TTC28: variants seen among roughly 807,000 people sequenced by gnomAD.
TTC28 encodes the protein tetratricopeptide repeat domain 28.
In TTC28, 61 loss-of-function variants were observed where a neutral mutation model predicts 198.0. The ratio of observed to expected loss-of-function variants is 0.31; its 90% confidence interval spans 0.25 to 0.38. The LOEUF (loss-of-function observed/expected upper bound fraction) is 0.38. Ranked by LOEUF, TTC28 falls within the 10% of genes least tolerant of loss-of-function variation. The probability of loss-of-function intolerance (pLI) is 1.00; values close to 1 mark genes in which losing one functional copy is unlikely to be tolerated. For synonymous variants in TTC28, 1,171 were observed against 1,297.8 expected (o/e 0.90, Z 2.10); for missense variants, 2,678 against 3,164.0 (o/e 0.85, Z 3.69).
intron 6 of TTC28, among the ~76,000 whole-genome samples, chr22:28,141,787 C>T (rs2146990271): frequency 6.6e-6 from 1 of 152,182 alleles, no homozygotes; most frequent in South Asian, 2.1e-4. Context: ...ATATAAAGGA[C>T]CATTTAATAC....
chr22:27,998,342 G>T, intron 16 of TTC28, 198 bp downstream of exon 16: 1 of 885,648 alleles, frequency 1.1e-6, no homozygotes, highest in Non-Finnish European at 1.7e-6. Flanking sequence ...TTGCTCCCTG[G>T]TCCAAAGATG....
At chr22:28,213,465 A>G (rs983794237) in intron 5 of TTC28, among the ~76,000 whole-genome samples, 2 of 42,480 alleles carry the variant, frequency 4.7e-5, no homozygotes, top group African/African-American at 2.0e-4. Flanking sequence ...AAAAATCACA[A>G]GCCTTCCTAT....
chr22:28,622,035 A>T (rs529837394), intron 2 of TTC28, among the ~76,000 whole-genome samples: 168 of 152,292 alleles, frequency 1.1e-3, no homozygotes, highest in African/African-American at 3.8e-3. Flanking sequence ...ATAATATTTT[A>T]AAAAGCTACC....
intron 12 of TTC28, among the ~76,000 whole-genome samples, chr22:28,080,222 T>C (rs1408542602): frequency 6.6e-6 from 1 of 152,216 alleles, no homozygotes; most frequent in Non-Finnish European, 1.5e-5. Flanking sequence ...AATGGGATTG[T>C]TGCATTGTAC....
At chr22:28,079,761 C>T (rs1201511631) in intron 12 of TTC28, among the ~76,000 whole-genome samples, 1 of 152,190 alleles carries the variant, frequency 6.6e-6, no homozygotes, top group Non-Finnish European at 1.5e-5. Context: ...CAGAGTCTCG[C>T]TCTGTCACCT....
chr22:28,629,547 T>C lies in TTC28; in HGVS notation c.381+5A>G. 1.3e-6 allele frequency: 2 copies of C among 1,539,982 alleles called. No individual in the cohort carries two copies. Among genetic ancestry groups the C allele is most frequent in the Non-Finnish European group, 1.8e-6 (2 of 1,141,726 alleles). On this transcript the variant is annotated splice_donor_5th_base_variant and intron_variant, in intron 2 of 22. Transcript: ENST00000397906. ...AAATAAATCTTCATAGGTAAAAATT[T>C]CTACCTTTGGCCACTTGGGATTGAG...
chr22:28,633,008 C>T (rs1390440834), intron 1 of TTC28, among the ~76,000 whole-genome samples: 4 of 151,466 alleles, frequency 2.6e-5, no homozygotes, highest in African/African-American at 7.3e-5. Context: ...GGTAGGGCAC[C>T]GTGGCTCACA....
intron 5 of TTC28, among the ~76,000 whole-genome samples, chr22:28,295,193 G>A (rs2145777652): frequency 6.6e-6 from 1 of 152,220 alleles, no homozygotes; most frequent in Non-Finnish European, 1.5e-5. Flanking sequence ...CCTTCCTAGT[G>A]CCTGACCATG....
chr22:28,671,770 G>A (rs1487301122), intron 1 of TTC28, among the ~76,000 whole-genome samples: 1 of 150,182 alleles, frequency 6.7e-6, no homozygotes, highest in Non-Finnish European at 1.5e-5. Context: ...CCACCTCCCA[G>A]GTTCACATGA....
chr22:28,388,380 A>G (rs2046653053), intron 2 of TTC28, among the ~76,000 whole-genome samples: 2 of 152,226 alleles, frequency 1.3e-5, no homozygotes. Flanking sequence ...AATTCTGTGA[A>G]GAAAGTCATT....
At chr22:28,579,069 T>C (rs1337986484) in intron 2 of TTC28, among the ~76,000 whole-genome samples, 7 of 151,790 alleles carry the variant, frequency 4.6e-5, no homozygotes, top group Non-Finnish European at 7.4e-5. Context: ...TAGTTACGTG[T>C]ATATAGCTAT....
chr22:28,248,418 TAAG>T (rs779336174), intron 5 of TTC28, among the ~76,000 whole-genome samples: 1 of 152,112 alleles, frequency 6.6e-6, no homozygotes, highest in Non-Finnish European at 1.5e-5. Context: ...GCTCTTAAAT[TAAG>T]GAGGATGTTA....
intron 5 of TTC28, among the ~76,000 whole-genome samples, chr22:28,215,815 T>A (rs1569203671): frequency 6.6e-6 from 1 of 152,168 alleles, no homozygotes; most frequent in Non-Finnish European, 1.5e-5. Context: ...TATTTTTAAA[T>A]CATTAGGAAT....
At chr22:28,125,497 C>CA (rs1942892400) in intron 6 of TTC28, among the ~76,000 whole-genome samples, 1 of 152,190 alleles carries the variant, frequency 6.6e-6, no homozygotes, top group Non-Finnish European at 1.5e-5. Context: ...ACACAATATG[C>CA]AACACCCCCA....
intron 2 of TTC28, among the ~76,000 whole-genome samples, chr22:28,614,336 G>A (rs2050866983): frequency 6.6e-6 from 1 of 152,176 alleles, no homozygotes; most frequent in African/African-American, 2.4e-5. Context: ...TCATGGATAG[G>A]AAGAATCAAT....
At chr22:28,359,158 G>A (rs1386461498) in intron 2 of TTC28, among the ~76,000 whole-genome samples, 1 of 152,136 alleles carries the variant, frequency 6.6e-6, no homozygotes, top group Non-Finnish European at 1.5e-5. Flanking sequence ...TTAAGTTTAT[G>A]AACTGAATTC....
At chr22:28,547,901 T>G (rs1171852061) in intron 2 of TTC28, among the ~76,000 whole-genome samples, 1 of 151,646 alleles carries the variant, frequency 6.6e-6, no homozygotes, top group African/African-American at 2.4e-5. Flanking sequence ...TAAAGACATA[T>G]TTACTCATAG....
rs183221499 is a variant in TTC28 at position 28,219,048 on chromosome 22, A to G, written c.934-55449T>C. Among the ~76,000 whole-genome samples the G allele has an allele frequency of 2.1e-4, 32 of 152,310 alleles. No individual in the cohort carries two copies. The East Asian group carries it at 5.4e-3, about 26-fold the overall frequency. ...CCCTGAAAGGATCTCAGGAACCCCA[A>G]GGAATCCATGAACCATACTTTGAGA... On this transcript the variant is annotated intron_variant, in intron 5 of 22. Transcript: ENST00000397906.
chr22:28,228,653 T>C (rs745358062), intron 5 of TTC28, among the ~76,000 whole-genome samples: 2 of 150,608 alleles, frequency 1.3e-5, no homozygotes, highest in Non-Finnish European at 3.0e-5. Flanking sequence ...TGAGCCGAGA[T>C]TGCGCCACTG....
Sources: allele counts gnomAD v4.1 joint callset (sites outside exome capture counted in the v4.1 genomes callset), GRCh38; gene constraint gnomAD v4.1.1; transcripts MANE v1.5; gene names NCBI Gene and HGNC (gene_info 2026-07-23, HGNC 2026-07-21).